Variants in PIEZO2 observed in about 807,000 individuals in gnomAD.
The protein encoded by PIEZO2 is piezo-type mechanosensitive ion channel component 2.
PIEZO2 carries 172 observed loss-of-function variants against 337.3 expected under a neutral mutation model. The observed-to-expected ratio is 0.51, with a 90% CI of 0.45 to 0.58. The LOEUF (loss-of-function observed/expected upper bound fraction) is 0.58. Ranked by LOEUF, PIEZO2 falls within the 20% of genes least tolerant of loss-of-function variation. The probability of loss-of-function intolerance (pLI) is 0.00; values close to 1 mark genes in which losing one functional copy is unlikely to be tolerated. For missense variants in PIEZO2, 3,028 were observed against 3,391.3 expected (o/e 0.89, Z 2.66); for synonymous variants, 1,251 against 1,228.5 (o/e 1.02, Z -0.38).
At position 11,018,617 on chromosome 18, in the gene PIEZO2, A is replaced by ATG. The variant is rs1159112949; in HGVS notation, c.161-38959_161-38958dup. ...GTGACACTACTGTGAACACACATGT[A>ATG]TGCCTGGTGGGACAGCTTGCTCCTA... On this transcript the variant is annotated intron_variant, in intron 2 of 55. Transcript: ENST00000674853. Among the ~76,000 whole-genome samples, 8 of 152,286 alleles carry ATG rather than the reference A, an allele frequency of 5.3e-5. No individual in the cohort carries two copies. The East Asian group carries it at 1.5e-3, about 29-fold the overall frequency.
In PIEZO2 at chr18:10,671,544, T is replaced by C. The variant is rs150256646; in HGVS notation, c.8581A>G (p.Arg2861Gly). Residue 2861 changes from arginine (R) to glycine (G), a missense_variant, in exon 56 of 56, where the codon AGA becomes GGA. By Grantham distance (125) the Arg-to-Gly change is moderately radical (BLOSUM62 -2). Coordinates refer to ENST00000674853, the MANE Select transcript of PIEZO2 (RefSeq NM_001378183.1). ...RSPETMIKWT[R>G]EKTN ...CTAAGGTTTCAATTTGTTTTTTCTC[T>C]AGTCCATTTGATCATTGTCTCTGGT... 42 of 1,611,482 alleles carry C rather than the reference T, an allele frequency of 2.6e-5. No homozygotes were observed. Among genetic ancestry groups the C allele is most frequent in the Non-Finnish European group, 3.1e-5 (36 of 1,179,018 alleles).
intron 4 of PIEZO2, among the ~76,000 whole-genome samples, chr18:10,874,307 C>CAA (rs150328726): frequency 2.7e-4 from 41 of 150,050 alleles, no homozygotes; most frequent in African/African-American, 1.0e-3. Flanking sequence ...ATCAAAAAGA[C>CAA]AAAAAAAAAT....
At chr18:11,076,356 A>C (rs2038544399) in intron 1 of PIEZO2, among the ~76,000 whole-genome samples, 1 of 152,252 alleles carries the variant, frequency 6.6e-6, no homozygotes, top group African/African-American at 2.4e-5. Flanking sequence ...ATAGATTATA[A>C]GGACTTGTAT....
intron 2 of PIEZO2, among the ~76,000 whole-genome samples, chr18:11,040,726 C>T (rs773093508): frequency 3.9e-5 from 6 of 151,920 alleles, no homozygotes; most frequent in Non-Finnish European, 7.4e-5. Flanking sequence ...TCAATGTGGG[C>T]GAAAAAAGTG....
chr18:10,799,741 G>A (rs997097967), intron 11 of PIEZO2, among the ~76,000 whole-genome samples: 1 of 152,190 alleles, frequency 6.6e-6, no homozygotes, highest in Admixed American at 6.5e-5. Flanking sequence ...GGTAGGCCAA[G>A]GCAGGTGGAT....
At chr18:10,981,259 T>G (rs186523442) in intron 2 of PIEZO2, among the ~76,000 whole-genome samples, 91 of 152,318 alleles carry the variant, frequency 6.0e-4, no homozygotes, top group African/African-American at 2.0e-3. Context: ...TTGACAGTTT[T>G]TTGTTCTTTC....
chr18:10,679,638 G>A (rs1800123635), intron 52 of PIEZO2, among the ~76,000 whole-genome samples: 3 of 152,240 alleles, frequency 2.0e-5, no homozygotes, highest in South Asian at 4.1e-4. Context: ...TCAGAGCTAG[G>A]AACGGCCTTT....
rs530052016 is a variant in PIEZO2, at chr18:11,003,605, A to G, written c.161-23945T>C. 3.2e-4 allele frequency among the ~76,000 whole-genome samples: 48 copies of G among 152,352 alleles called. No individual in the cohort carries two copies. The highest frequency in any genetic ancestry group is 1.2e-3 in the African/African-American group (48 of 41,578). The stretch of plus-strand genomic sequence containing the variant: ...TGCAGGGGGCTGGAGCTTAACCTGG[A>G]AGTTCAGGGCACCAGGCGGGCATCA... On this transcript the variant is annotated intron_variant, in intron 2 of 55. Coordinates refer to ENST00000674853, the MANE Select transcript of PIEZO2 (RefSeq NM_001378183.1). The surrounding 1 kb of genome is among the most constrained non-coding windows in gnomAD (Gnocchi z 4.6).
At chr18:10,763,676 A>C (rs1408534188) in intron 21 of PIEZO2, among the ~76,000 whole-genome samples, 1 of 152,210 alleles carries the variant, frequency 6.6e-6, no homozygotes, top group Non-Finnish European at 1.5e-5. Context: ...CCCATTCTTC[A>C]GAAAACTGAG....
chr18:11,006,436 A>G (rs114231542), intron 2 of PIEZO2, among the ~76,000 whole-genome samples: 1,541 of 152,292 alleles, frequency 0.01, 29 homozygotes, highest in African/African-American at 0.034. Flanking sequence ...AGGGAACACA[A>G]TGTAAAATCT....
rs2036838373 is a variant in PIEZO2 at position 10,732,783 on chromosome 18, A to C, written c.4915-1262T>G. Among the ~76,000 whole-genome samples, 3 of 152,328 alleles carry C rather than the reference A, an allele frequency of 2.0e-5. No homozygotes were observed. In the South Asian group the frequency reaches 6.2e-4, roughly 32 times the overall value. On this transcript the variant is annotated intron_variant, in intron 35 of 55. Coordinates refer to ENST00000674853, the MANE Select transcript of PIEZO2 (RefSeq NM_001378183.1). The stretch of plus-strand genomic sequence containing the variant: ...TATTGGCTATGTTAATTGGGTGTTA[A>C]TTGGGAATTCTATCAAGAATATCTT...
intron 1 of PIEZO2, among the ~76,000 whole-genome samples, chr18:11,098,102 T>A (rs2039309657): frequency 6.6e-6 from 1 of 152,290 alleles, no homozygotes; most frequent in African/African-American, 2.4e-5. Flanking sequence ...TCAACATTAT[T>A]TGTAATACTT....
intron 4 of PIEZO2, among the ~76,000 whole-genome samples, chr18:10,906,119 T>C (rs1205809692): frequency 1.3e-5 from 2 of 152,176 alleles, no homozygotes; most frequent in African/African-American, 4.8e-5. Flanking sequence ...TTTTGAATTA[T>C]GTCTACACTG....
chr18:10,922,768 G>C (rs137941675), intron 3 of PIEZO2, among the ~76,000 whole-genome samples: 1 of 152,052 alleles, frequency 6.6e-6, no homozygotes, highest in African/African-American at 2.4e-5. Context: ...CTGGCTGACC[G>C]TATTTACATA....
rs1598744019 is a variant in PIEZO2 at position 10,957,034 on chromosome 18, T to C, written c.286+22501A>G. Among the ~76,000 whole-genome samples the C allele has an allele frequency of 1.3e-5, 2 of 150,254 alleles. 1 individual carries two copies. ...TATACAGTCCAGAAATAAACCTAAG[T>C]ATATGTGGTCAATTGATTTTCAACA... On this transcript the variant is annotated intron_variant, in intron 3 of 55. Transcript: ENST00000674853.
At chr18:11,122,526 A>G (rs1233706616) in intron 1 of PIEZO2, among the ~76,000 whole-genome samples, 1 of 152,360 alleles carries the variant, frequency 6.6e-6, no homozygotes, top group East Asian at 1.9e-4. Flanking sequence ...TGATATGGTC[A>G]TTCTCTTTTC....
At chr18:10,985,868 A>T (rs1231492260) in intron 2 of PIEZO2, among the ~76,000 whole-genome samples, 1 of 152,020 alleles carries the variant, frequency 6.6e-6, no homozygotes, top group Non-Finnish European at 1.5e-5. Flanking sequence ...TGTCAATAAT[A>T]GGTCCTTACC....
rs2039123599 is a variant in PIEZO2, at chr18:10,784,027, A to T, written c.2492+757T>A. Among the ~76,000 whole-genome samples, 1 of 152,174 alleles carries T rather than the reference A, an allele frequency of 6.6e-6. No homozygotes were observed. Among genetic ancestry groups the T allele is most frequent in the Non-Finnish European group, 1.5e-5 (1 of 68,040 alleles). On this transcript the variant is annotated intron_variant, in intron 17 of 55. Transcript: ENST00000674853. This position sits in a 1 kb window ranked among gnomAD's most constrained non-coding sequence, Gnocchi z 4.5. ...CAGCCCTTTGCTCCCTTAGCTGCTT[A>T]ACAAGTATTTTTCCAATATCTGAAT...
rs2032811233 is a variant in PIEZO2 at position 10,943,066 on chromosome 18, A to T, written c.287-31838T>A. Reference sequence around the variant, plus strand: ...CCTCCACCTAGATTTCAGAAGATACATGGAAACCCCTGGATAACCAGGCAG... The same window carrying T: ...CCTCCACCTAGATTTCAGAAGATACTTGGAAACCCCTGGATAACCAGGCAG... On this transcript the variant is annotated intron_variant, in intron 3 of 55. Transcript: ENST00000674853. This position sits in a 1 kb window ranked among gnomAD's most constrained non-coding sequence, Gnocchi z 4.5. Among the ~76,000 whole-genome samples the T allele has an allele frequency of 1.3e-5, 2 of 152,232 alleles. No individual in the cohort carries two copies. Among genetic ancestry groups the T allele is most frequent in the South Asian group, 4.1e-4 (2 of 4,826 alleles).
Sources: allele counts gnomAD v4.1 joint callset (sites outside exome capture counted in the v4.1 genomes callset), GRCh38; gene constraint gnomAD v4.1.1; non-coding constraint Gnocchi (gnomAD v3.1); transcripts MANE v1.5; gene names NCBI Gene and HGNC (gene_info 2026-07-23, HGNC 2026-07-21).